Variants in MAP3K10 observed in about 807,000 individuals in gnomAD.
MAP3K10 encodes the protein MKN28 derived nonreceptor_type serine/threonine kinase.
In MAP3K10, 22 loss-of-function variants were observed where a neutral mutation model predicts 75.0. That is an observed-to-expected ratio of 0.29 (90% CI 0.21 to 0.42). The LOEUF is 0.42. Among genes scored for constraint, MAP3K10 ranks in the 10% least tolerant of loss-of-function variants. The pLI is 1.00. For missense variants in MAP3K10, 1,165 were observed against 1,379.8 expected (o/e 0.84, Z 2.47); for synonymous variants, 599 against 612.9 (o/e 0.98, Z 0.34).
rs1273315110 is a variant in MAP3K10 at position 40,198,402 on chromosome 19, A to G, written c.710A>G (p.His237Arg). The change falls in exon 2 of 10, where the codon CAC becomes CGC. Residue 237 changes from histidine (H) to arginine (R), a missense_variant. By Grantham distance (29) the His-to-Arg change is conservative. This residue lies in a region of MAP3K10 where 575 missense variants were observed against 793.2 expected (regional missense o/e 0.72). Transcript: ENST00000253055. This position sits in a 1 kb window ranked among gnomAD's most constrained non-coding sequence, Gnocchi z 4.3. ...CTGATCCTGGAGGCCATCGAGAACC[A>G]CAACCTCGCAGACACGGTGCTCAAG... The part of the protein sequence containing the change: ...NILILEAIEN[H>R]NLADTVLKIT... 2 of 1,613,870 alleles carry G rather than the reference A, an allele frequency of 1.2e-6. No individual in the cohort carries two copies. Among genetic ancestry groups the G allele is most frequent in the Non-Finnish European group, 1.7e-6 (2 of 1,179,934 alleles).
chr19:40,195,071 G>A (rs917372452), intron 1 of MAP3K10, among the ~76,000 whole-genome samples: 1 of 152,192 alleles, frequency 6.6e-6, no homozygotes, highest in Non-Finnish European at 1.5e-5. Flanking sequence ...GGGAGTGAGT[G>A]TGTCTCACTG....
chr19:40,208,363 T>TTTTTTTTTA (rs1555756664), intron 5 of MAP3K10, among the ~76,000 whole-genome samples: 115 of 111,876 alleles, frequency 1.0e-3, no homozygotes, highest in African/African-American at 3.7e-3. Context: ...TTTTTTTTTT[T>TTTTTTTTTA]TTTTTTGTAT....
chr19:40,206,402 C>CAA (rs74915410), intron 5 of MAP3K10: 137 of 314,026 alleles, frequency 4.4e-4, no homozygotes, highest in East Asian at 8.9e-4. Flanking sequence ...CCATATTTAC[C>CAA]AAAAAAAAAA....
intron 2 of MAP3K10, among the ~76,000 whole-genome samples, chr19:40,200,761 G>A (rs1205396573): frequency 2.0e-5 from 3 of 151,682 alleles, no homozygotes. Context: ...TGAGATTATA[G>A]GCATGCACTG....
chr19:40,198,048 G>A lies in MAP3K10; in HGVS notation c.683-327G>A, dbSNP rs1972943499. Reference sequence around the variant, plus strand: ...AGGTCTTGCCATGTTGCACAGGCTGGTCTCGAACTCCTGGGCTCAAGTGAC... The same window carrying A: ...AGGTCTTGCCATGTTGCACAGGCTGATCTCGAACTCCTGGGCTCAAGTGAC... On this transcript the variant is annotated intron_variant, in intron 1 of 9. Coordinates refer to ENST00000253055, the MANE Select transcript of MAP3K10 (RefSeq NM_002446.4). The surrounding 1 kb of genome is among the most constrained non-coding windows in gnomAD (Gnocchi z 4.3). Among the ~76,000 whole-genome samples, 1 of 152,180 alleles carries A rather than the reference G, an allele frequency of 6.6e-6. No individual in the cohort carries two copies. Among genetic ancestry groups the A allele is most frequent in the African/African-American group, 2.4e-5 (1 of 41,432 alleles).
Position 40,215,573 on chromosome 19 carries a change from C to A in MAP3K10, c.*281C>A. 1 of 441,052 alleles carries A rather than the reference C, an allele frequency of 2.3e-6. No individual in the cohort carries two copies. Among genetic ancestry groups the A allele is most frequent in the Admixed American group, 3.8e-5 (1 of 26,664 alleles). The allele number at this position is 441,052 out of a possible 1,614,324, so 27.3% of individuals were successfully genotyped here. ...GAGCATTAAAGGTAACCCCTGCCCC[C>A]TACCGCACTTGATTGTGTTCCTTTT... On this transcript the variant is annotated 3_prime_UTR_variant, in exon 10 of 10. Coordinates refer to ENST00000253055, the MANE Select transcript of MAP3K10 (RefSeq NM_002446.4).
rs1973290954 is a variant in MAP3K10, at chr19:40,213,850, C to T, written c.2171C>T (p.Pro724Leu). The change falls in exon 9 of 10, where the codon CCC (proline) becomes CTC (leucine). Residue 724 changes from proline (P) to leucine (L), a missense_variant. Coordinates refer to ENST00000253055, the MANE Select transcript of MAP3K10 (RefSeq NM_002446.4). The surrounding 1 kb of genome is among the most constrained non-coding windows in gnomAD (Gnocchi z 5.7). Reference protein sequence around the residue: ...AGRFPRGLSPPARPHGRREDV... With the variant: ...AGRFPRGLSPLARPHGRREDV... ...CGCTTCCCGCGGGGCCTCAGCCCAC[C>T]CGCGCGTCCCCACGGCCGCCGCGAA... 4 of 1,372,880 alleles carry T rather than the reference C, an allele frequency of 2.9e-6. No individual in the cohort carries two copies. Among genetic ancestry groups the T allele is most frequent in the Non-Finnish European group, 3.7e-6 (4 of 1,068,078 alleles). The allele number at this position is 1,372,880 out of a possible 1,614,324, so 85.0% of individuals were successfully genotyped here.
intron 1 of MAP3K10, among the ~76,000 whole-genome samples, chr19:40,193,699 C>A (rs1006714213): frequency 6.6e-6 from 1 of 152,184 alleles, no homozygotes; most frequent in Non-Finnish European, 1.5e-5. Flanking sequence ...ACATTCCTGG[C>A]TCTCCCATTC....
chr19:40,205,888 C>A lies in MAP3K10; in HGVS notation c.1189-23C>A. 1 of 1,504,924 alleles carries A rather than the reference C, an allele frequency of 6.6e-7. No homozygotes were observed. Among genetic ancestry groups the A allele is most frequent in the African/African-American group, 1.4e-5 (1 of 72,284 alleles). The allele number at this position is 1,504,924 out of a possible 1,614,324, so 93.2% of individuals were successfully genotyped here. A position where few individuals can be genotyped will look rare whatever the true frequency, so the allele number is the denominator to read the frequency against. On this transcript the variant is annotated intron_variant, in intron 4 of 9. Transcript: ENST00000253055. This position sits in a 1 kb window ranked among gnomAD's most constrained non-coding sequence, Gnocchi z 4.3. The stretch of plus-strand genomic sequence containing the variant: ...AGCAGAGCAGCTAAGCCCCTCCCCC[C>A]AGCCACCGCCTCTCCTTCCCAGGAG...
Position 40,198,547 on chromosome 19 carries a change from T to C in MAP3K10, c.855T>C (p.Asp285=). Residue 285 remains aspartate, a synonymous_variant, in exon 2 of 10, where the codon GAT becomes GAC. Transcript: ENST00000253055. This position sits in a 1 kb window ranked among gnomAD's most constrained non-coding sequence, Gnocchi z 4.3. The stretch of plus-strand genomic sequence containing the variant: ...TCTCCCTCTTCTCCAAAAGCAGTGA[T>C]GTCTGGAGGTGCTGAAAGGCGCGGC... ...IRLSLFSKSS[D]VWSFGVLLWE... 6.2e-7 allele frequency: 1 copy of C among 1,609,618 alleles called. No individual in the cohort carries two copies. Among genetic ancestry groups the C allele is most frequent in the Non-Finnish European group, 8.5e-7 (1 of 1,176,828 alleles).
In MAP3K10 at chr19:40,205,836, G is replaced by A. The variant is rs529494350; in HGVS notation, c.1189-75G>A. ...CCCTTGTGTGAGGCACCAACCAGAC[G>A]CAGCAGCCCTGGGTCCCTCCCCAGG... On this transcript the variant is annotated intron_variant, in intron 4 of 9. Coordinates refer to ENST00000253055, the MANE Select transcript of MAP3K10 (RefSeq NM_002446.4). This position sits in a 1 kb window ranked among gnomAD's most constrained non-coding sequence, Gnocchi z 4.3. 21 of 1,412,926 alleles carry A rather than the reference G, an allele frequency of 1.5e-5. 1 individual carries two copies. In the South Asian group the frequency reaches 2.2e-4, roughly 15 times the overall value. 87.5% of individuals were successfully genotyped at this position (1,412,926 alleles called of 1,614,324 possible). A position where few individuals can be genotyped will look rare whatever the true frequency, so the allele number is the denominator to read the frequency against.
At position 40,214,010 on chromosome 19, in the gene MAP3K10, A is replaced by ACCCCCCCCCCCCCCCCCCCCCC; in HGVS notation, c.2334_2335insCCCCCCCCCCCCCCCCCCCCCC (p.Ser779ProfsTer80). The ACCCCCCCCCCCCCCCCCCCCCC allele has an allele frequency of 1.4e-6, 1 of 726,374 alleles. No individual in the cohort carries two copies. The highest frequency in any genetic ancestry group is 1.9e-6 in the Non-Finnish European group (1 of 538,530). The allele number at this position is 726,374 out of a possible 1,614,324, so 45.0% of individuals were successfully genotyped here. A position where few individuals can be genotyped will look rare whatever the true frequency, so the allele number is the denominator to read the frequency against. Reference sequence around the variant, plus strand: ...CCGCACCGGCCGCGCCCTCCCCACCACCCTCCCCGCCCGCGCCCACACCCA... The same window carrying ACCCCCCCCCCCCCCCCCCCCCC: ...CCGCACCGGCCGCGCCCTCCCCACCACCCCCCCCCCCCCCCCCCCCCCCCCTCCCCGCCCGCGCCCACACCCA... On this transcript the variant is annotated frameshift_variant, in exon 9 of 10. Transcript: ENST00000253055. LOFTEE classifies it high-confidence loss of function.
chr19:40,192,730 C>A lies in MAP3K10; in HGVS notation c.682+17C>A. On this transcript the variant is annotated intron_variant, in intron 1 of 9. Coordinates refer to ENST00000253055, the MANE Select transcript of MAP3K10 (RefSeq NM_002446.4). The surrounding 1 kb of genome is among the most constrained non-coding windows in gnomAD (Gnocchi z 7.1). Reference sequence around the variant, plus strand: ...CCATCAACAGTAAGTGGTGTCCTCTCCCCAAAATTCCTTCCACAGAACCTC... The same window carrying A: ...CCATCAACAGTAAGTGGTGTCCTCTACCCAAAATTCCTTCCACAGAACCTC... 6.6e-7 allele frequency: 1 copy of A among 1,515,306 alleles called. No individual in the cohort carries two copies. The allele number at this position is 1,515,306 out of a possible 1,614,324, so 93.9% of individuals were successfully genotyped here. A position where few individuals can be genotyped will look rare whatever the true frequency, so the allele number is the denominator to read the frequency against.
Position 40,209,035 on chromosome 19 carries a change from C to G in MAP3K10, c.1436-68C>G, listed in dbSNP as rs111609188. 15 of 1,146,234 alleles carry G rather than the reference C, an allele frequency of 1.3e-5. No individual in the cohort carries two copies. The African/African-American group carries it at 1.7e-4, about 13-fold the overall frequency. 71.0% of individuals were successfully genotyped at this position (1,146,234 alleles called of 1,614,324 possible). On this transcript the variant is annotated intron_variant, in intron 5 of 9. Transcript: ENST00000253055. ...TTCTAGAATTCCTTCTCTACTTCTA[C>G]AGAAGAAAATTCCCTTTGGTAATCC...
chr19:40,199,842 T>A (rs935824798), intron 2 of MAP3K10, among the ~76,000 whole-genome samples: 1 of 151,928 alleles, frequency 6.6e-6, no homozygotes, highest in Admixed American at 6.6e-5. Flanking sequence ...TTAAATTAAT[T>A]TTTATAAAAG....
chr19:40,214,495 A>G (rs1052321300), intron 9 of MAP3K10, among the ~76,000 whole-genome samples: 3 of 152,126 alleles, frequency 2.0e-5, no homozygotes, highest in Admixed American at 1.3e-4. Context: ...CACAGCCTAG[A>G]CACTGTTCTC....
chr19:40,205,115 C>A lies in MAP3K10; in HGVS notation c.1013-6C>A. On this transcript the variant is annotated splice_polypyrimidine_tract_variant and splice_region_variant and intron_variant, in intron 3 of 9. Transcript: ENST00000253055. The surrounding 1 kb of genome is among the most constrained non-coding windows in gnomAD (Gnocchi z 4.3). ...CCCACCACTGTCCTTCCTCCTCCCA[C>A]CCCAGAATGCTGGGACCCAGACCCC... 1 of 1,612,482 alleles carries A rather than the reference C, an allele frequency of 6.2e-7. No homozygotes were observed. Among genetic ancestry groups the A allele is most frequent in the African/African-American group, 1.3e-5 (1 of 75,004 alleles).
At position 40,213,801 on chromosome 19, in the gene MAP3K10, G is replaced by T; in HGVS notation, c.2122G>T (p.Gly708Cys). The T allele has an allele frequency of 7.8e-7, 1 of 1,279,806 alleles. No homozygotes were observed. The highest frequency in any genetic ancestry group is 1.8e-5 in the South Asian group (1 of 55,536). The allele number at this position is 1,279,806 out of a possible 1,614,324, so 79.3% of individuals were successfully genotyped here. The change falls in exon 9 of 10, where the codon GGC becomes TGC. Residue 708 changes from glycine to cysteine, a missense_variant. Gly to Cys is a radical substitution (Grantham distance 159). This residue lies in a region of MAP3K10 where 590 missense variants were observed against 586.6 expected (regional missense o/e 1.01). Transcript: ENST00000253055. This position sits in a 1 kb window ranked among gnomAD's most constrained non-coding sequence, Gnocchi z 5.7. ...TGAGGAGCAGCGGCGCTGGCTCGACGGCCTCTTCTTTCCCCGCGCCGGCCG... is the reference window on the plus strand; with the variant it reads ...TGAGGAGCAGCGGCGCTGGCTCGACTGCCTCTTCTTTCCCCGCGCCGGCCG... ...DGEEQRRWLDGLFFPRAGRFP... is the reference protein window; with the variant it reads ...DGEEQRRWLDCLFFPRAGRFP...
At chr19:40,193,842 C>T (rs947780286) in intron 1 of MAP3K10, among the ~76,000 whole-genome samples, 1 of 152,202 alleles carries the variant, frequency 6.6e-6, no homozygotes, top group Non-Finnish European at 1.5e-5. Context: ...CCCCGGCCCT[C>T]ACGTCACTCA....
Sources: allele counts gnomAD v4.1 joint callset (sites outside exome capture counted in the v4.1 genomes callset), GRCh38; gene constraint gnomAD v4.1.1; regional missense constraint gnomAD v4.1.1; non-coding constraint Gnocchi (gnomAD v3.1); transcripts MANE v1.5; gene names NCBI Gene and HGNC (gene_info 2026-07-23, HGNC 2026-07-21).